Variants in NDRG4 observed in about 807,000 individuals in gnomAD.
NDRG4 encodes the protein protein NDRG4.
NDRG4 carries 38 observed loss-of-function variants against 55.8 expected under a neutral mutation model. That is an observed-to-expected ratio of 0.68 (90% CI 0.53 to 0.89). NDRG4 has a LOEUF of 0.89. Among genes scored for constraint, NDRG4 ranks in the 40% least tolerant of loss-of-function variants. The pLI is 0.00. For missense variants in NDRG4, 455 were observed against 468.6 expected, an observed-to-expected ratio of 0.97 and a Z score of 0.27; for synonymous variants, 190 against 182.7, an observed-to-expected ratio of 1.04 and a Z score of -0.32.
At chr16:58,486,316 C>T (rs1567585830) in intron 1 of NDRG4, among the ~76,000 whole-genome samples, 1 of 152,060 alleles carries the variant, frequency 6.6e-6, no homozygotes, top group African/African-American at 2.4e-5. Flanking sequence ...CTCTCACCAC[C>T]ACACCCAGCT....
At chr16:58,465,947 A>G (rs2031577357) in intron 1 of NDRG4, among the ~76,000 whole-genome samples, 1 of 152,118 alleles carries the variant, frequency 6.6e-6, no homozygotes. Flanking sequence ...CCCAACTTGG[A>G]AGGGAACCGC....
upstream of NDRG4, among the ~76,000 whole-genome samples, chr16:58,498,422 T>G (rs78328357): frequency 0.012 from 1,863 of 152,200 alleles, 32 homozygotes; most frequent in African/African-American, 0.042. Context: ...ATAGTGTACA[T>G]AGCAGGTGTC....
Position 58,511,975 on chromosome 16 carries a change from G to C in NDRG4, c.*399G>C, listed in dbSNP as rs2038855194. 2.2e-6 allele frequency: 1 copy of C among 461,906 alleles called. No individual in the cohort carries two copies. The highest frequency in any genetic ancestry group is 2.0e-5 in the African/African-American group (1 of 50,374). 28.6% of individuals were successfully genotyped at this position (461,906 alleles called of 1,614,324 possible). Reference sequence around the variant, plus strand: ...GCCACAGGGGTGCGGGGCCAGCTCAGGCACTGGCGTGGGAGCCCTGGGAGA... The same window carrying C: ...GCCACAGGGGTGCGGGGCCAGCTCACGCACTGGCGTGGGAGCCCTGGGAGA... On this transcript the variant is annotated 3_prime_UTR_variant, in exon 15 of 15. Transcript: ENST00000570248.
At chr16:58,506,854 A>C in intron 7 of NDRG4, 58 bp from the exon 8 acceptor site, 1 of 1,505,314 alleles carries the variant, frequency 6.6e-7, no homozygotes, top group Non-Finnish European at 9.2e-7. Flanking sequence ...AGCCCCCTCT[A>C]AGCCTGCGTC....
Position 58,511,771 on chromosome 16 carries a change from A to G in NDRG4, c.*195A>G, listed in dbSNP as rs1213964036. The stretch of plus-strand genomic sequence containing the variant: ...TAAGGGGCTCAGTCCTCCTCATCCC[A>G]TCTCACTCTCCGTGGTAACTTAGCC... On this transcript the variant is annotated 3_prime_UTR_variant, in exon 15 of 15. Coordinates refer to ENST00000570248, the MANE Select transcript of NDRG4 (RefSeq NM_001242835.2). 8 of 704,166 alleles carry G rather than the reference A, an allele frequency of 1.1e-5. No homozygotes were observed. Among genetic ancestry groups the G allele is most frequent in the Non-Finnish European group, 1.5e-5 (6 of 404,962 alleles). The allele number at this position is 704,166 out of a possible 1,614,324, so 43.6% of individuals were successfully genotyped here. A position where few individuals can be genotyped will look rare whatever the true frequency, so the allele number is the denominator to read the frequency against.
chr16:58,507,289 C>A, intron 8 of NDRG4: 1 of 501,806 alleles, frequency 2.0e-6, no homozygotes, highest in East Asian at 3.3e-5. Context: ...AGTGACATCC[C>A]TGACTCCAGT....
rs936981990 is a variant in NDRG4 at position 58,464,373 on chromosome 16, C to T, written c.-24+576C>T. The T allele has an allele frequency of 2.2e-6, 3 of 1,355,224 alleles. No homozygotes were observed. The highest frequency in any genetic ancestry group is 1.9e-6 in the Non-Finnish European group (2 of 1,056,456). The allele number at this position is 1,355,224 out of a possible 1,614,324, so 83.9% of individuals were successfully genotyped here. On this transcript the variant is annotated intron_variant, in intron 1 of 15. Transcript: ENST00000258187. The surrounding 1 kb of genome is among the most constrained non-coding windows in gnomAD (Gnocchi z 4.8). ...GTCTCCCGCGCTCCTCTCCCCGGCT[C>T]GGCCGAGCGCGCTGCCCCGACGCCG...
At chr16:58,496,302 G>A (rs1040857188), upstream of NDRG4, among the ~76,000 whole-genome samples, 1 of 152,046 alleles carries the variant, frequency 6.6e-6, no homozygotes, top group Non-Finnish European at 1.5e-5. Flanking sequence ...CCGGAGTTGC[G>A]GGGCCCAGGG....
At chr16:58,468,866 G>A (rs146495122) in intron 1 of NDRG4, among the ~76,000 whole-genome samples, 212 of 152,268 alleles carry the variant, frequency 1.4e-3, no homozygotes, top group African/African-American at 4.9e-3. Flanking sequence ...AGTGTGATAT[G>A]TGAAAGTGGG....
At chr16:58,492,554 G>GAC (rs371291705) in intron 2 of NDRG4, among the ~76,000 whole-genome samples, 77,942 of 139,788 alleles carry the variant, frequency 0.56, 22,991 homozygotes, top group East Asian at 0.71. Context: ...GTGTGTGTGA[G>GAC]AGACAGACAG....
intron 2 of NDRG4, chr16:58,487,898 T>A: frequency 7.1e-7 from 1 of 1,416,668 alleles, no homozygotes; most frequent in Non-Finnish European, 9.5e-7. Context: ...GCGCGCCACC[T>A]CGTGGCCAAG....
At chr16:58,500,118 A>G (rs1449776371), upstream of NDRG4, 1 of 1,531,112 alleles carries the variant, frequency 6.5e-7, no homozygotes, top group African/African-American at 1.4e-5. Flanking sequence ...TCCCTGTATA[A>G]ATGGCCCAGG....
intron 5 of NDRG4, chr16:58,505,853 C>T (rs1250704114): frequency 4.9e-6 from 1 of 205,530 alleles, no homozygotes; most frequent in Non-Finnish European, 9.5e-6. Context: ...TCCTAAGTAG[C>T]TGAGACTACA....
At position 58,506,621 on chromosome 16, in the gene NDRG4, G is replaced by A. The variant is rs111352265; in HGVS notation, c.516+7G>A. ...CTCCCACCTCTTCAGCCAGGTAAGG[G>A]GGGGAACTTCTGCAGATCTGGGGTG... On this transcript the variant is annotated splice_region_variant and intron_variant, in intron 7 of 14. Transcript: ENST00000570248. 13 of 1,552,364 alleles carry A rather than the reference G, an allele frequency of 8.4e-6. No individual in the cohort carries two copies. Among genetic ancestry groups the A allele is most frequent in the East Asian group, 2.4e-5 (1 of 41,416 alleles).
At chr16:58,503,578 A>G (rs954439817) in intron 1 of NDRG4, 1 of 862,144 alleles carries the variant, frequency 1.2e-6, no homozygotes, top group East Asian at 2.7e-5. Flanking sequence ...GACCTTCCCC[A>G]TGCAGATCAG....
intron 1 of NDRG4, 186 bp downstream of exon 1, chr16:58,500,455 G>T (rs1360069890): frequency 2.6e-6 from 2 of 783,170 alleles, no homozygotes; most frequent in African/African-American, 1.8e-5. Flanking sequence ...CTGTTTGCAG[G>T]AGTGGCTGGG....
upstream of NDRG4, among the ~76,000 whole-genome samples, chr16:58,498,749 G>A (rs2036691404): frequency 6.6e-6 from 1 of 152,124 alleles, no homozygotes; most frequent in Admixed American, 6.5e-5. Flanking sequence ...GAGAAATGGG[G>A]CAGTCTGTGT....
At chr16:58,511,397 A>C in intron 14 of NDRG4, 25 bp from the exon 15 acceptor site, 1 of 1,581,426 alleles carries the variant, frequency 6.3e-7, no homozygotes, top group Non-Finnish European at 8.6e-7. Flanking sequence ...GCCAGTCCTC[A>C]GGCCCATCCT....
At chr16:58,476,409 G>A (rs540168943) in intron 1 of NDRG4, among the ~76,000 whole-genome samples, 25 of 152,258 alleles carry the variant, frequency 1.6e-4, no homozygotes, top group Admixed American at 4.6e-4. Flanking sequence ...TGTAATGTCC[G>A]TGCTTAACAC....
Sources: allele counts gnomAD v4.1 joint callset (sites outside exome capture counted in the v4.1 genomes callset), GRCh38; gene constraint gnomAD v4.1.1; non-coding constraint Gnocchi (gnomAD v3.1); transcripts MANE v1.5; gene names NCBI Gene and HGNC (gene_info 2026-07-23, HGNC 2026-07-21).